The following SIGLEC12 variants were observed in gnomAD, a reference collection of about 807,000 sequenced individuals.
The protein encoded by SIGLEC12 is sialic acid binding Ig like lectin 12, also known as sialic acid-binding Ig-like lectin 12.
A neutral mutation model predicts 54.1 loss-of-function variants in SIGLEC12; 43 were observed. That is an observed-to-expected ratio of 0.80 (90% CI 0.62 to 1.03). SIGLEC12 has a LOEUF of 1.03. Among genes scored for constraint, SIGLEC12 ranks in the 50% least tolerant of loss-of-function variants. SIGLEC12 has a pLI of 0.00. For synonymous variants in SIGLEC12, 357 were observed against 307.6 expected (o/e 1.16, Z -1.68); for missense variants, 802 against 735.2 (o/e 1.09, Z -1.05).
chr19:51,495,289 ATGGATGGACGGACGGACGGGTGGG>A (rs1990204503), intron 7 of SIGLEC12, among the ~76,000 whole-genome samples: 1 of 128,256 alleles, frequency 7.8e-6, no homozygotes, highest in Non-Finnish European at 1.7e-5. Flanking sequence ...GGATGGATGG[ATGGATGGACGGACGGACGGGTGGG>A]TGGATGGATG....
intron 7 of SIGLEC12, 47 bp downstream of exon 7, chr19:51,496,833 C>T: frequency 1.9e-6 from 3 of 1,601,480 alleles, no homozygotes; most frequent in Admixed American, 1.7e-5. Context: ...CCATGCCTGG[C>T]CTGGGAGAAA....
At position 51,498,272 on chromosome 19, in the gene SIGLEC12, C is replaced by T. The variant is rs757380845; in HGVS notation, c.1151G>A (p.Arg384Lys). 4 of 1,608,576 alleles carry T rather than the reference C, an allele frequency of 2.5e-6. No individual in the cohort carries two copies. In the South Asian group the frequency reaches 4.4e-5, roughly 18 times the overall value. ...QGDGTASTTL[R>K]NGSALSVLEG... is the part of the protein sequence containing the mutation. ...CAGGACTGAAAGGGCCGAGCCATTC[C>T]TCAAGGTTGTGGATGCTGTAGAGAA... The change falls in exon 5 of 8, where the codon AGG becomes AAG. Residue 384 changes from arginine (R) to lysine (K), a missense_variant. Arg to Lys is a conservative substitution (Grantham distance 26, BLOSUM62 2). Transcript: ENST00000291707.
Position 51,498,167 on chromosome 19 carries a change from G to A in SIGLEC12, c.1256C>T (p.Thr419Ile). ...GTTCGAGGACTGTGAGGGGCTCAGGGTCAGGCTCCCCCAGGTCCAGCTCAG... is the reference window on the plus strand; with the variant it reads ...GTTCGAGGACTGTGAGGGGCTCAGGATCAGGCTCCCCCAGGTCCAGCTCAG... The part of the protein sequence containing the change: ...ARLSWTWGSL[T>I]LSPSQSSNLG... The change falls in exon 5 of 8, where the codon ACC becomes ATC. Residue 419 changes from threonine to isoleucine, a missense_variant. Thr to Ile is a moderately conservative substitution (Grantham distance 89). Coordinates refer to ENST00000291707, the MANE Select transcript of SIGLEC12 (RefSeq NM_053003.4). 6.2e-7 allele frequency: 1 copy of A among 1,614,246 alleles called. No individual in the cohort carries two copies. The highest frequency in any genetic ancestry group is 8.5e-7 in the Non-Finnish European group (1 of 1,180,038).
chr19:51,499,358 A>G (rs1990327131), intron 3 of SIGLEC12, 80 bp downstream of exon 3: 3 of 1,553,174 alleles, frequency 1.9e-6, no homozygotes, highest in Non-Finnish European at 2.6e-6. Flanking sequence ...CAGGACCCAG[A>G]TCCTTGAGTC....
chr19:51,499,509 C>T lies in SIGLEC12; in HGVS notation c.1016G>A (p.Ser339Asn), dbSNP rs1990332084. Residue 339 changes from serine to asparagine, a missense_variant, in exon 3 of 8, where the codon AGC becomes AAC. Physicochemically the swap from Ser to Asn is conservative, Grantham distance 46. Transcript: ENST00000291707. ...AGGCAAGGTCACCTGACAGGTGAGGCTGGTGCCATGGTCCTGGGGCTGTGG... is the reference window on the plus strand; with the variant it reads ...AGGCAAGGTCACCTGACAGGTGAGGTTGGTGCCATGGTCCTGGGGCTGTGG... ...LIPQPQDHGTSLTCQVTLPGA... is the reference protein window; with the variant it reads ...LIPQPQDHGTNLTCQVTLPGA... 4 of 1,609,692 alleles carry T rather than the reference C, an allele frequency of 2.5e-6. No individual in the cohort carries two copies. The highest frequency in any genetic ancestry group is 2.2e-5 in the East Asian group (1 of 44,866).
chr19:51,500,745 G>A (rs3810107), intron 1 of SIGLEC12, among the ~76,000 whole-genome samples: 120,983 of 150,600 alleles, frequency 0.8, 49,081 homozygotes, highest in Middle Eastern at 0.87. Context: ...CGAGGACCTC[G>A]GGGCATGAGA....
At chr19:51,493,421 CT>C (rs1312662987) in intron 7 of SIGLEC12, among the ~76,000 whole-genome samples, 1 of 152,214 alleles carries the variant, frequency 6.6e-6, no homozygotes, top group Non-Finnish European at 1.5e-5. Flanking sequence ...AAACTGACGA[CT>C]TCCAAATTTA....
At position 51,500,159 on chromosome 19, in the gene SIGLEC12, C is replaced by T; in HGVS notation, c.569G>A (p.Trp190Ter). Residue 190 changes from tryptophan (W) to a stop codon, truncating the protein, a stop_gained, in exon 2 of 8, where the codon TGG (tryptophan) becomes TAG (stop). Coordinates refer to ENST00000291707, the MANE Select transcript of SIGLEC12 (RefSeq NM_053003.4). LOFTEE classifies it high-confidence loss of function. The part of the protein sequence containing the change: ...WTASSPVYGS[W>*]FKEGADIPWD... ...TGGTATATCGGCCCCTTCCTTGAAC[C>T]AGGATCCATAAACAGGGCTAGAGGC... is the stretch of plus-strand genomic sequence containing the variant. The T allele has an allele frequency of 6.2e-7, 1 of 1,614,162 alleles. No homozygotes were observed.
chr19:51,491,997 A>G (rs1024426593), intron 7 of SIGLEC12, among the ~76,000 whole-genome samples, 168 bp from the exon 8 acceptor site: 3 of 152,190 alleles, frequency 2.0e-5, no homozygotes, highest in African/African-American at 7.2e-5. Flanking sequence ...TTATCACCTT[A>G]TGTGGTGTTT....
At chr19:51,494,977 T>C (rs571391645) in intron 7 of SIGLEC12, among the ~76,000 whole-genome samples, 1 of 152,168 alleles carries the variant, frequency 6.6e-6, no homozygotes, top group East Asian at 1.9e-4. Context: ...ATGAAGAGGA[T>C]GGGAGGGAAA....
In SIGLEC12 at chr19:51,501,286, C is replaced by T. The variant is rs766290448; in HGVS notation, c.427+21G>A. 4 of 1,612,402 alleles carry T rather than the reference C, an allele frequency of 2.5e-6. No individual in the cohort carries two copies. In the South Asian group the frequency reaches 4.4e-5, roughly 18 times the overall value. On this transcript the variant is annotated intron_variant, in intron 1 of 7. Transcript: ENST00000291707. ...CCCTCATCACATTTGCCTTTGGCCT[C>T]TCTTGGAGCCCGTGCCTTACCTGTC...
rs1385083040 is a variant in SIGLEC12, at chr19:51,498,299, G to A, written c.1136-12C>T. 2 of 1,589,110 alleles carry A rather than the reference G, an allele frequency of 1.3e-6. No homozygotes were observed. The highest frequency in any genetic ancestry group is 1.3e-5 in the African/African-American group (1 of 74,384). On this transcript the variant is annotated splice_polypyrimidine_tract_variant and intron_variant, in intron 4 of 7. Coordinates refer to ENST00000291707, the MANE Select transcript of SIGLEC12 (RefSeq NM_053003.4). ...CAAGGTTGTGGATGCTGTAGAGAAA[G>A]AGACAGAAGGGCAGAGAGAGACAAA...
At chr19:51,498,564 A>G (rs954966555) in intron 4 of SIGLEC12, among the ~76,000 whole-genome samples, 11 of 152,242 alleles carry the variant, frequency 7.2e-5, no homozygotes, top group African/African-American at 2.7e-4. Context: ...GGGAGTAGAT[A>G]CAACAATATT....
Position 51,491,298 on chromosome 19 carries a change from A to G in SIGLEC12, c.*343T>C, listed in dbSNP as rs536383730. ...AATACATTATTCTGTTATTTGGAAC[A>G]ACACGGATGAACCTAGAGAACATTA... On this transcript the variant is annotated 3_prime_UTR_variant, in exon 8 of 8. Coordinates refer to ENST00000291707, the MANE Select transcript of SIGLEC12 (RefSeq NM_053003.4). The G allele has an allele frequency of 2.4e-5, 5 of 210,750 alleles. No individual in the cohort carries two copies. Among genetic ancestry groups the G allele is most frequent in the African/African-American group, 7.0e-5 (3 of 43,112 alleles). 13.1% of individuals were successfully genotyped at this position (210,750 alleles called of 1,614,324 possible).
At position 51,499,452 on chromosome 19, in the gene SIGLEC12, C is replaced by A. The variant is rs377017791; in HGVS notation, c.1073G>T (p.Arg358Leu). Residue 358 changes from arginine to leucine, a missense_variant, in exon 3 of 8, where the codon CGA becomes CTA. Physicochemically the swap from Arg to Leu is moderately radical, Grantham distance 102. Transcript: ENST00000291707. The part of the protein sequence containing the change: ...GAGVTMTRAV[R>L]LNISYPPQNL... ...CCAGAACTCACAGGATATGTTGAGTCGGACAGCCCTGGTCATGGTCACGCC... is the reference window on the plus strand; with the variant it reads ...CCAGAACTCACAGGATATGTTGAGTAGGACAGCCCTGGTCATGGTCACGCC... The A allele has an allele frequency of 1.3e-6, 2 of 1,583,762 alleles. No individual in the cohort carries two copies. Among genetic ancestry groups the A allele is most frequent in the Non-Finnish European group, 1.7e-6 (2 of 1,168,574 alleles).
At chr19:51,497,255 T>C in intron 6 of SIGLEC12, 94 bp downstream of exon 6, 1 of 1,184,366 alleles carries the variant, frequency 8.4e-7, no homozygotes, top group East Asian at 2.3e-5. Flanking sequence ...CTTCAAGCTC[T>C]TGACCCATCC....
intron 7 of SIGLEC12, among the ~76,000 whole-genome samples, chr19:51,494,920 C>T (rs1161255121): frequency 1.3e-5 from 2 of 152,032 alleles, no homozygotes; most frequent in East Asian, 3.8e-4. Context: ...TAGTCAAATT[C>T]ATAGGAAAAT....
rs375095378 is a variant in SIGLEC12 at position 51,497,341 on chromosome 19, A to G, written c.1502+8T>C. Reference sequence around the variant, plus strand: ...CCAAGGCTCTTCCTCCCCAGGGTCAATGCTCACACAACGAAGATGATGCAG... The same window carrying G: ...CCAAGGCTCTTCCTCCCCAGGGTCAGTGCTCACACAACGAAGATGATGCAG... On this transcript the variant is annotated splice_region_variant and intron_variant, in intron 6 of 7. Coordinates refer to ENST00000291707, the MANE Select transcript of SIGLEC12 (RefSeq NM_053003.4). The G allele has an allele frequency of 2.9e-5, 47 of 1,611,582 alleles. No homozygotes were observed. In the Admixed American group the frequency reaches 3.3e-4, roughly 11 times the overall value.
chr19:51,491,675 C>A lies in SIGLEC12; in HGVS notation c.1754G>T (p.Gly585Val). Residue 585 changes from glycine (G) to valine (V), a missense_variant, in exon 8 of 8, where the codon GGC becomes GTC. Physicochemically the swap from Gly to Val is moderately radical, Grantham distance 109. Transcript: ENST00000291707. ...GATGTTGATCTCGGAGTACTCATAG[C>A]CGATGGCCTCCTGTTCCTGTGGGTA... ...PQYPQEQEAIGYEYSEINIPK is the reference protein window; with the variant it reads ...PQYPQEQEAIVYEYSEINIPK 1 of 1,613,580 alleles carries A rather than the reference C, an allele frequency of 6.2e-7. No homozygotes were observed. The highest frequency in any genetic ancestry group is 2.2e-5 in the East Asian group (1 of 44,818).
Sources: allele counts gnomAD v4.1 joint callset (sites outside exome capture counted in the v4.1 genomes callset), GRCh38; gene constraint gnomAD v4.1.1; transcripts MANE v1.5; gene names NCBI Gene and HGNC (gene_info 2026-07-23, HGNC 2026-07-21).